Variants in PPFIBP2 observed in about 807,000 individuals in gnomAD.
The protein encoded by PPFIBP2 is PPFIB scaffold protein 2, also known as liprin-beta-2.
Under a neutral mutation model 118.3 loss-of-function variants are expected in PPFIBP2, and 118 were observed. The ratio of observed to expected loss-of-function variants is 1.00; its 90% CI spans 0.86 to 1.16. PPFIBP2 has a LOEUF of 1.16. PPFIBP2 is among the 50% of genes most tolerant of loss of function. The pLI, the probability that PPFIBP2 is intolerant of heterozygous loss-of-function variation, is 0.00. For synonymous variants in PPFIBP2, 414 were observed against 397.4 expected (o/e 1.04, Z -0.50); for missense variants, 1,195 against 1,073.1 (o/e 1.11, Z -1.59).
intron 1 of PPFIBP2, among the ~76,000 whole-genome samples, chr11:7,515,850 A>G (rs1348761897): frequency 6.6e-6 from 1 of 152,118 alleles, no homozygotes; most frequent in Non-Finnish European, 1.5e-5. Flanking sequence ...AATCCAGTAA[A>G]TATTTGTGGA....
chr11:7,546,235 T>G (rs1282682405), intron 1 of PPFIBP2, among the ~76,000 whole-genome samples: 1 of 152,220 alleles, frequency 6.6e-6, no homozygotes, highest in Admixed American at 6.5e-5. Flanking sequence ...GGTTTTGTGG[T>G]CTTGTATGCA....
intron 1 of PPFIBP2, among the ~76,000 whole-genome samples, chr11:7,529,174 C>T (rs1335027975): frequency 6.6e-6 from 1 of 152,136 alleles, no homozygotes; most frequent in African/African-American, 2.4e-5. Flanking sequence ...GGAAGCTCTA[C>T]CTCCTTGTCC....
chr11:7,616,181 TAAAAAG>T lies in PPFIBP2; in HGVS notation c.619-4748_619-4743del, dbSNP rs1468263869. On this transcript the variant is annotated intron_variant, in intron 6 of 23. Coordinates refer to ENST00000299492, the MANE Select transcript of PPFIBP2 (RefSeq NM_003621.5). The surrounding 1 kb of genome is among the most constrained non-coding windows in gnomAD (Gnocchi z 5.2). Reference sequence around the variant, plus strand: ...AAACACCCACACACAGTTATGTTCTTAAAAAGAAAAAATGGACTTGATTCCATGGAT... The same window carrying T: ...AAACACCCACACACAGTTATGTTCTTAAAAAATGGACTTGATTCCATGGAT... Among the ~76,000 whole-genome samples the T allele has an allele frequency of 6.6e-6, 1 of 152,010 alleles. No homozygotes were observed. The highest frequency in any genetic ancestry group is 1.5e-5 in the Non-Finnish European group (1 of 68,004).
At position 7,597,053 on chromosome 11, in the gene PPFIBP2, A is replaced by G. The variant is rs1860453924; in HGVS notation, c.373-507A>G. ...AGCCAAGTTTTGTCAGTGCTAATAC[A>G]TGCCCTTTACAGCCCACATTCCTTA... On this transcript the variant is annotated intron_variant, in intron 4 of 23. Coordinates refer to ENST00000299492, the MANE Select transcript of PPFIBP2 (RefSeq NM_003621.5). 3 of 855,598 alleles carry G rather than the reference A, an allele frequency of 3.5e-6. No homozygotes were observed. The East Asian group carries it at 1.0e-4, about 29-fold the overall frequency. The allele number at this position is 855,598 out of a possible 1,614,324, so 53.0% of individuals were successfully genotyped here.
intron 1 of PPFIBP2, among the ~76,000 whole-genome samples, chr11:7,540,090 A>G (rs1248558738): frequency 2.0e-5 from 3 of 152,168 alleles, no homozygotes; most frequent in Non-Finnish European, 1.5e-5. Context: ...CCACTCTCCT[A>G]ACTGCTCTGT....
chr11:7,569,528 A>AC (rs911277874), intron 3 of PPFIBP2, among the ~76,000 whole-genome samples: 6 of 152,218 alleles, frequency 3.9e-5, no homozygotes, highest in African/African-American at 4.8e-5. Flanking sequence ...GGGGCAAGGA[A>AC]CAAAGGGCTT....
the PPFIBP2 span, among the ~76,000 whole-genome samples, chr11:7,662,149 T>G: frequency 2.0e-5 from 3 of 150,464 alleles, no homozygotes; most frequent in African/African-American, 7.3e-5. Context: ...CCATTTACAT[T>G]TAAAGTTAAT....
At chr11:7,639,960 A>G in intron 15 of PPFIBP2, 90 bp downstream of exon 15, 1 of 1,479,790 alleles carries the variant, frequency 6.8e-7, no homozygotes, top group Non-Finnish European at 9.0e-7. Context: ...TACCACCACA[A>G]TCCACAATTG....
chr11:7,608,388 C>T (rs1208241564), intron 5 of PPFIBP2, among the ~76,000 whole-genome samples: 1 of 152,152 alleles, frequency 6.6e-6, no homozygotes, highest in African/African-American at 2.4e-5. Context: ...CGCCTATAAT[C>T]CCAGCACTTT....
chr11:7,649,170 C>G lies in PPFIBP2; in HGVS notation c.1933C>G (p.Pro645Ala). 1 of 1,614,030 alleles carries G rather than the reference C, an allele frequency of 6.2e-7. No homozygotes were observed. Among genetic ancestry groups the G allele is most frequent in the Non-Finnish European group, 8.5e-7 (1 of 1,179,918 alleles). ...AGGGTGGCTTGATGATATTGGCTTA[C>G]CCCAGTACAAAGACCAGTTTCATGA... ...VTRWLDDIGLPQYKDQFHESR... is the reference protein window; with the variant it reads ...VTRWLDDIGLAQYKDQFHESR... Residue 645 changes from proline (P) to alanine (A), a missense_variant, in exon 20 of 24, where the codon CCC (proline) becomes GCC (alanine). Pro to Ala is a conservative substitution (Grantham distance 27). Transcript: ENST00000299492.
At position 7,565,574 on chromosome 11, in the gene PPFIBP2, T is replaced by G; in HGVS notation, c.86T>G (p.Leu29Arg). The change falls in exon 3 of 24, where the codon CTT (leucine) becomes CGT (arginine). Residue 29 changes from leucine to arginine, a missense_variant. Transcript: ENST00000299492. ...GCAGGCACTAAAACAGGTGCAGATC[T>G]TAGTGATGGTACTTGTGAGCCTGGA... ...IIAGTKTGAD[L>R]SDGTCEPGLA... 2 of 1,614,214 alleles carry G rather than the reference T, an allele frequency of 1.2e-6. No homozygotes were observed. The highest frequency in any genetic ancestry group is 8.5e-7 in the Non-Finnish European group (1 of 1,180,034).
At chr11:7,662,967 C>T in the PPFIBP2 span, among the ~76,000 whole-genome samples, 7 of 138,606 alleles carry the variant, frequency 5.1e-5, no homozygotes, top group East Asian at 4.0e-4. Flanking sequence ...GCATTCTTCA[C>T]GTAGTTCTCA....
At chr11:7,645,363 C>T (rs1450846398) in intron 17 of PPFIBP2, among the ~76,000 whole-genome samples, 1 of 152,180 alleles carries the variant, frequency 6.6e-6, no homozygotes, top group Non-Finnish European at 1.5e-5. Flanking sequence ...GTGCTCTGTA[C>T]TCACTAATGA....
rs143255201 is a variant in PPFIBP2, at chr11:7,651,662, G to C, written c.2254G>C (p.Glu752Gln). 1.1e-4 allele frequency: 171 copies of C among 1,603,766 alleles called. 1 individual carries two copies. Among genetic ancestry groups the C allele is most frequent in the Middle Eastern group, 6.7e-4 (4 of 6,010 alleles). Residue 752 changes from glutamate to glutamine, a missense_variant, in exon 23 of 24, where the codon GAG becomes CAG. Transcript: ENST00000299492. The stretch of plus-strand genomic sequence containing the variant: ...GTCTCTGGTTCCTTCTTAGATCCTG[G>C]AGCCACGCTTCACTGGGGACACCCT... ...SGVHGGLIIL[E>Q]PRFTGDTLAM...
In PPFIBP2 at chr11:7,593,201, G is replaced by A; in HGVS notation, c.349G>A (p.Asp117Asn). 2 of 1,614,038 alleles carry A rather than the reference G, an allele frequency of 1.2e-6. No homozygotes were observed. The highest frequency in any genetic ancestry group is 1.7e-6 in the Non-Finnish European group (2 of 1,179,948). ...GGAACGCTTGGCACGTCTAGAAGGG[G>A]ATAAGGAGTCCCTCATATTGCAGGT... The part of the protein sequence containing the change: ...YQERLARLEG[D>N]KESLILQVSV... Residue 117 changes from aspartate (D) to asparagine (N), a missense_variant, in exon 4 of 24, where the codon GAT becomes AAT. Physicochemically the swap from Asp to Asn is conservative, Grantham distance 23. Transcript: ENST00000299492.
In PPFIBP2 at chr11:7,650,885, G is replaced by T. The variant is rs754949770; in HGVS notation, c.2167G>T (p.Val723Leu). 7 of 1,614,034 alleles carry T rather than the reference G, an allele frequency of 4.3e-6. No individual in the cohort carries two copies. Among genetic ancestry groups the T allele is most frequent in the Non-Finnish European group, 5.9e-6 (7 of 1,179,892 alleles). Reference protein sequence around the residue: ...SEVVQWSNHRVMEWLRSVDLA... With the variant: ...SEVVQWSNHRLMEWLRSVDLA... ...AGTTGTACAGTGGTCCAACCACAGG[G>T]TGATGGAGTGGTTACGATCTGTGGA... Residue 723 changes from valine (V) to leucine (L), a missense_variant, in exon 22 of 24, where the codon GTG becomes TTG. By Grantham distance (32) the Val-to-Leu change is conservative. Transcript: ENST00000299492.
intron 1 of PPFIBP2, among the ~76,000 whole-genome samples, chr11:7,545,405 A>G (rs1388629464): frequency 6.6e-6 from 1 of 152,222 alleles, no homozygotes; most frequent in Non-Finnish European, 1.5e-5. Flanking sequence ...ACTCTAGCCT[A>G]GGTGACAGAG....
Position 7,545,687 on chromosome 11 carries a change from A to G in PPFIBP2, c.-36-3753A>G, listed in dbSNP as rs182240546. On this transcript the variant is annotated intron_variant, in intron 1 of 23. Coordinates refer to ENST00000299492, the MANE Select transcript of PPFIBP2 (RefSeq NM_003621.5). Reference sequence around the variant, plus strand: ...CCTCCAAGGATAAGGGGGGACTACTATAATAAAAAAAGTATATATTTGGTC... The same window carrying G: ...CCTCCAAGGATAAGGGGGGACTACTGTAATAAAAAAAGTATATATTTGGTC... 5.9e-3 allele frequency among the ~76,000 whole-genome samples: 609 copies of G among 103,672 alleles called. 3 individuals carry two copies. Among genetic ancestry groups the G allele is most frequent in the African/African-American group, 0.034 (583 of 17,218 alleles). 68.0% of individuals were successfully genotyped at this position (103,672 alleles called of 152,430 possible).
rs114683395 is a variant in PPFIBP2 at position 7,526,481 on chromosome 11, G to A, written c.-37+12360G>A. Among the ~76,000 whole-genome samples the A allele has an allele frequency of 8.9e-3, 1,356 of 152,352 alleles. 18 individuals carry two copies. The highest frequency in any genetic ancestry group is 0.03 in the African/African-American group (1,250 of 41,582). On this transcript the variant is annotated intron_variant, in intron 1 of 23. Coordinates refer to ENST00000299492, the MANE Select transcript of PPFIBP2 (RefSeq NM_003621.5). The stretch of plus-strand genomic sequence containing the variant: ...TAAGAAGCTGGACTTTACCCTGTCG[G>A]TAGTGGGGAATAATTGGTGGCTTCT...
Sources: allele counts gnomAD v4.1 joint callset (sites outside exome capture counted in the v4.1 genomes callset), GRCh38; gene constraint gnomAD v4.1.1; non-coding constraint Gnocchi (gnomAD v3.1); transcripts MANE v1.5; gene names NCBI Gene and HGNC (gene_info 2026-07-23, HGNC 2026-07-21).